The following KIF1A variants were observed in gnomAD, a reference collection of about 807,000 sequenced individuals.
KIF1A encodes the protein kinesin-like protein KIF1A.
In KIF1A, 46 loss-of-function variants were observed where a neutral mutation model predicts 227.3. The ratio of observed to expected loss-of-function variants is 0.20; its 90% CI spans 0.16 to 0.26. KIF1A has a LOEUF of 0.26. Among genes scored for constraint, KIF1A ranks in the 10% least tolerant of loss-of-function variants. The probability of loss-of-function intolerance (pLI) is 1.00; values close to 1 mark genes in which losing one functional copy is unlikely to be tolerated. For missense variants in KIF1A, 1,683 were observed against 2,485.9 expected (o/e 0.68, Z 6.87); for synonymous variants, 1,022 against 1,012.8 (o/e 1.01, Z -0.17).
intron 11 of KIF1A, 130 bp from the exon 12 acceptor site, chr2:240,774,391 A>ACCCCCCCCCCCCCC (rs570956380): frequency 7.9e-6 from 2 of 253,672 alleles, no homozygotes; most frequent in Non-Finnish European, 1.4e-5. Flanking sequence ...TCACAGGCTT[A>ACCCCCCCCCCCCCC]CCCCCCCCCC....
intron 2 of KIF1A, among the ~76,000 whole-genome samples, chr2:240,791,974 A>G (rs1333993958): frequency 1.2e-5 from 1 of 80,886 alleles, no homozygotes; most frequent in Non-Finnish European, 2.4e-5. Flanking sequence ...CGGCAACCCC[A>G]CTCCCAGGCC....
At chr2:240,737,277 C>CTA in intron 37 of KIF1A, 109 bp from the exon 38 acceptor site, 1 of 828,476 alleles carries the variant, frequency 1.2e-6, no homozygotes, top group Non-Finnish European at 2.1e-6. Context: ...CACATGGTCA[C>CTA]TAGAGCGTCT....
rs763561056 is a variant in KIF1A, at chr2:240,783,742, G to C, written c.795C>G (p.Leu265=). The change falls in exon 8 of 49, where the codon CTC becomes CTG. Residue 265 remains leucine (L), a synonymous_variant. Transcript: ENST00000498729. Reference sequence around the variant, plus strand: ...CGCATGGCGGCCTGGCCCCTACCTTGAGGCGCGTGCCCTTGGCTCCCGTGG... The same window carrying C: ...CGCATGGCGGCCTGGCCCCTACCTTCAGGCGCGTGCCCTTGGCTCCCGTGG... ...ADSTGAKGTR[L]KEGANINKSL... 1 of 1,570,640 alleles carries C rather than the reference G, an allele frequency of 6.4e-7. No homozygotes were observed. The highest frequency in any genetic ancestry group is 1.4e-5 in the African/African-American group (1 of 73,914).
chr2:240,751,133 C>A (rs745789109), intron 27 of KIF1A, among the ~76,000 whole-genome samples: 7 of 152,172 alleles, frequency 4.6e-5, no homozygotes, highest in Admixed American at 1.3e-4. Flanking sequence ...GCGGCCCAGC[C>A]TGCCCTGTCA....
intron 41 of KIF1A, 22 bp downstream of exon 41, chr2:240,723,953 T>C (rs2045698562): frequency 1.2e-6 from 2 of 1,606,432 alleles, no homozygotes; most frequent in Admixed American, 3.3e-5. Flanking sequence ...ACCCACCCAG[T>C]GAGAGCAGGG....
chr2:240,713,861 C>T lies in KIF1A; in HGVS notation c.*3503G>A, dbSNP rs2044371767. ...CTAGGGCTAACACTCGGGTGTAAGA[C>T]ATCGGGACAGGCGTCGTGACGTCGG... On this transcript the variant is annotated 3_prime_UTR_variant, in exon 49 of 49. Transcript: ENST00000498729. 6.5e-6 allele frequency: 1 copy of T among 152,956 alleles called. No individual in the cohort carries two copies. Among genetic ancestry groups the T allele is most frequent in the Admixed American group, 6.5e-5 (1 of 15,294 alleles). 9.5% of individuals were successfully genotyped at this position (152,956 alleles called of 1,614,324 possible). A position where few individuals can be genotyped will look rare whatever the true frequency, so the allele number is the denominator to read the frequency against.
chr2:240,797,806 G>A lies in KIF1A; in HGVS notation c.-54C>T. The A allele has an allele frequency of 9.3e-7, 1 of 1,079,676 alleles. No homozygotes were observed. The highest frequency in any genetic ancestry group is 2.5e-5 in the East Asian group (1 of 40,278). 66.9% of individuals were successfully genotyped at this position (1,079,676 alleles called of 1,614,324 possible). On this transcript the variant is annotated 5_prime_UTR_variant, in exon 2 of 49. Transcript: ENST00000498729. ...CAGTAGTGGGAGCCCCAGTGTGGGGGGAACACCTTGGAAAAAAGGGAAACA... is the reference window on the plus strand; with the variant it reads ...CAGTAGTGGGAGCCCCAGTGTGGGGAGAACACCTTGGAAAAAAGGGAAACA...
chr2:240,764,807 A>C (rs1033167421), intron 20 of KIF1A, among the ~76,000 whole-genome samples: 1 of 152,108 alleles, frequency 6.6e-6, no homozygotes, highest in African/African-American at 2.4e-5. Flanking sequence ...GGCCTCATCC[A>C]AGCAGGTGAA....
chr2:240,803,129 C>A (rs1396237061), intron 1 of KIF1A, among the ~76,000 whole-genome samples: 1 of 152,076 alleles, frequency 6.6e-6, no homozygotes, highest in East Asian at 1.9e-4. Context: ...GGACACTAAG[C>A]AATACAATTT....
At chr2:240,731,428 A>G (rs1365477555) in intron 38 of KIF1A, among the ~76,000 whole-genome samples, 1 of 152,188 alleles carries the variant, frequency 6.6e-6, no homozygotes, top group Non-Finnish European at 1.5e-5. Context: ...GCTGGGCTGC[A>G]GCCGCTGACA....
At position 240,722,605 on chromosome 2, in the gene KIF1A, G is replaced by T; in HGVS notation, c.4516C>A (p.Gln1506Lys). 1 of 1,564,910 alleles carries T rather than the reference G, an allele frequency of 6.4e-7. No homozygotes were observed. Among genetic ancestry groups the T allele is most frequent in the East Asian group, 2.3e-5 (1 of 42,556 alleles). ...GACAGTGCCTCCGGGACAGGCCGCTGGGCGGTCTCCAGCTTCTCCCGCAGG... is the reference window on the plus strand; with the variant it reads ...GACAGTGCCTCCGGGACAGGCCGCTTGGCGGTCTCCAGCTTCTCCCGCAGG... Reference protein sequence around the residue: ...LLLREKLETAQRPVPEALSPA... With the variant: ...LLLREKLETAKRPVPEALSPA... The change falls in exon 43 of 49, where the codon CAG becomes AAG. Residue 1506 changes from glutamine to lysine, a missense_variant. Physicochemically the swap from Gln to Lys is moderately conservative, Grantham distance 53. Transcript: ENST00000498729.
At chr2:240,729,608 C>T (rs1477774157) in intron 38 of KIF1A, among the ~76,000 whole-genome samples, 1 of 152,240 alleles carries the variant, frequency 6.6e-6, no homozygotes, top group Non-Finnish European at 1.5e-5. Context: ...GGAGCCAGGC[C>T]TGGAGCTGTA....
Position 240,757,252 on chromosome 2 carries a change from C to T in KIF1A, c.2858+67G>A. On this transcript the variant is annotated intron_variant, in intron 27 of 48. Transcript: ENST00000498729. The surrounding 1 kb of genome is among the most constrained non-coding windows in gnomAD (Gnocchi z 6.2). The stretch of plus-strand genomic sequence containing the variant: ...GCCAGGCCCCAGCGGTTCCTCTGTG[C>T]CCGCAGCAGTGCTCCTGTGCAAAAG... The T allele has an allele frequency of 6.9e-7, 1 of 1,449,822 alleles. No homozygotes were observed. Among genetic ancestry groups the T allele is most frequent in the Non-Finnish European group, 9.4e-7 (1 of 1,062,708 alleles). 89.8% of individuals were successfully genotyped at this position (1,449,822 alleles called of 1,614,324 possible).
intron 14 of KIF1A, 117 bp from the exon 15 acceptor site, chr2:240,771,221 G>T: frequency 8.0e-7 from 1 of 1,252,562 alleles, no homozygotes; most frequent in Non-Finnish European, 1.1e-6. Flanking sequence ...GACAGAGGGA[G>T]GGAGAGAAAA....
intron 37 of KIF1A, 200 bp from the exon 38 acceptor site, chr2:240,737,368 C>T (rs1014971502): frequency 2.9e-5 from 15 of 514,598 alleles, no homozygotes; most frequent in Middle Eastern, 5.3e-4. Flanking sequence ...TGCTGCTCCA[C>T]GGTCTTTCTT....
At chr2:240,771,690 C>T (rs980493783) in intron 14 of KIF1A, among the ~76,000 whole-genome samples, 14 of 152,184 alleles carry the variant, frequency 9.2e-5, no homozygotes, top group African/African-American at 2.9e-4. Flanking sequence ...CACACACCCC[C>T]GAGCTGTGGG....
At chr2:240,734,768 C>T (rs749844220) in intron 38 of KIF1A, 7 of 1,304,008 alleles carry the variant, frequency 5.4e-6, no homozygotes, top group Non-Finnish European at 6.1e-6. Flanking sequence ...AACAATCACA[C>T]GGTTAGTGAG....
At chr2:240,735,839 G>A (rs1178375391) in intron 38 of KIF1A, among the ~76,000 whole-genome samples, 1 of 151,806 alleles carries the variant, frequency 6.6e-6, no homozygotes, top group Admixed American at 6.6e-5. Flanking sequence ...CCCCCTCATG[G>A]CACCACCTCC....
At chr2:240,774,416 G>C (rs992731715) in intron 11 of KIF1A, among the ~76,000 whole-genome samples, 155 bp from the exon 12 acceptor site, 1 of 59,188 alleles carries the variant, frequency 1.7e-5, no homozygotes, top group African/African-American at 7.6e-5. Context: ...CCCACCCCAT[G>C]AACACAGACA....
Sources: allele counts gnomAD v4.1 joint callset (sites outside exome capture counted in the v4.1 genomes callset), GRCh38; gene constraint gnomAD v4.1.1; non-coding constraint Gnocchi (gnomAD v3.1); transcripts MANE v1.5; gene names NCBI Gene and HGNC (gene_info 2026-07-23, HGNC 2026-07-21).